IGFN1: variants seen among roughly 807,000 people sequenced by gnomAD.
IGFN1 encodes the protein immunoglobulin-like and fibronectin type III domain-containing protein 1.
Under a neutral mutation model 289.5 loss-of-function variants are expected in IGFN1, and 253 were observed. The observed-to-expected ratio is 0.87, with a 90% CI of 0.79 to 0.97. The LOEUF is 0.97. Ranked by LOEUF, IGFN1 falls within the 50% of genes least tolerant of loss-of-function variation. The pLI, the probability that IGFN1 is intolerant of heterozygous loss-of-function variation, is 0.00. For synonymous variants in IGFN1, 1,706 were observed against 1,788.5 expected (o/e 0.95, Z 1.16); for missense variants, 4,470 against 4,686.1 (o/e 0.95, Z 1.35).
Position 201,215,520 on chromosome 1 carries a change from T to G in IGFN1, c.8996-19T>G. ...GCCCAGTGCCCTGGTCTTCCTTGAC[T>G]CTCTTGTTTTATTTCTAGATTCCCC... On this transcript the variant is annotated intron_variant, in intron 14 of 23. Coordinates refer to ENST00000335211, the MANE Select transcript of IGFN1 (RefSeq NM_001164586.2). 1 of 1,535,634 alleles carries G rather than the reference T, an allele frequency of 6.5e-7. No individual in the cohort carries two copies. Among genetic ancestry groups the G allele is most frequent in the Non-Finnish European group, 8.8e-7 (1 of 1,140,058 alleles).
Position 201,226,946 on chromosome 1 carries a change from G to C in IGFN1, c.10851G>C (p.Leu3617=), listed in dbSNP as rs1654137946. 1 of 1,611,812 alleles carries C rather than the reference G, an allele frequency of 6.2e-7. No homozygotes were observed. The highest frequency in any genetic ancestry group is 8.5e-7 in the Non-Finnish European group (1 of 1,179,244). Residue 3617 remains leucine, a synonymous_variant, in exon 23 of 24, where the codon CTG becomes CTC. Coordinates refer to ENST00000335211, the MANE Select transcript of IGFN1 (RefSeq NM_001164586.2). ...ACCTGAGCCAGAAGCCCCGGTTCCT[G>C]GTGGGCCTGCGGTCCCACCTGCTGC... ...EPDLSQKPRF[L]VGLRSHLLPQ... is the part of the protein sequence containing the mutation.
In IGFN1 at chr1:201,215,805, T is replaced by C. The variant is rs1033223505; in HGVS notation, c.9262T>C (p.Ser3088Pro). ...YSVTLRSEGGSVQAELTLQVI... is the reference protein window; with the variant it reads ...YSVTLRSEGGPVQAELTLQVI... Reference sequence around the variant, plus strand: ...CGTGACACTGAGGAGTGAGGGAGGCTCTGTGCAGGCCGAGCTCACTCTGCA... The same window carrying C: ...CGTGACACTGAGGAGTGAGGGAGGCCCTGTGCAGGCCGAGCTCACTCTGCA... Residue 3088 changes from serine (S) to proline (P), a missense_variant, in exon 15 of 24, where the codon TCT becomes CCT. Transcript: ENST00000335211. 6.3e-7 allele frequency: 1 copy of C among 1,596,878 alleles called. No homozygotes were observed. The highest frequency in any genetic ancestry group is 8.5e-7 in the Non-Finnish European group (1 of 1,170,500).
Position 201,215,729 on chromosome 1 carries a change from C to T in IGFN1, c.9186C>T (p.Tyr3062=), listed in dbSNP as rs770080614. The T allele has an allele frequency of 1.9e-6, 3 of 1,612,106 alleles. No homozygotes were observed. Among genetic ancestry groups the T allele is most frequent in the Non-Finnish European group, 2.5e-6 (3 of 1,179,100 alleles). The change falls in exon 15 of 24, where the codon TAC becomes TAT. Residue 3062 remains tyrosine (Y), a synonymous_variant. Transcript: ENST00000335211. ...REAQVDLGDG[Y]TRLCLPSAGR... is the part of the protein sequence containing the mutation. ...CCCAGGTGGACCTGGGGGATGGCTACACGCGGCTGTGCCTCCCCAGCGCAG... is the reference window on the plus strand; with the variant it reads ...CCCAGGTGGACCTGGGGGATGGCTATACGCGGCTGTGCCTCCCCAGCGCAG...
In IGFN1 at chr1:201,226,941, T is replaced by A. The variant is rs895204384; in HGVS notation, c.10846T>A (p.Phe3616Ile). 6.2e-7 allele frequency: 1 copy of A among 1,611,342 alleles called. No homozygotes were observed. The highest frequency in any genetic ancestry group is 8.5e-7 in the Non-Finnish European group (1 of 1,178,914). ...GCCCGACCTGAGCCAGAAGCCCCGG[T>A]TCCTGGTGGGCCTGCGGTCCCACCT... ...REPDLSQKPR[F>I]LVGLRSHLLP... is the part of the protein sequence containing the mutation. Residue 3616 changes from phenylalanine (F) to isoleucine (I), a missense_variant, in exon 23 of 24, where the codon TTC becomes ATC. Phe to Ile is a conservative substitution (Grantham distance 21, BLOSUM62 0). This residue lies in a region of IGFN1 where 2,218 missense variants were observed against 2,114.1 expected (regional missense o/e 1.05). Transcript: ENST00000335211.
intron 9 of IGFN1, 45 bp from the exon 10 acceptor site, chr1:201,203,693 T>G (rs556794534): frequency 6.5e-7 from 1 of 1,537,938 alleles, no homozygotes; most frequent in African/African-American, 1.4e-5. Flanking sequence ...CAGGAAGCAC[T>G]GAGGACCCAC....
Position 201,209,206 on chromosome 1 carries a change from G to A in IGFN1, c.4313G>A (p.Ser1438Asn), listed in dbSNP as rs1342801961. The A allele has an allele frequency of 7.3e-6, 11 of 1,496,602 alleles. No individual in the cohort carries two copies. The highest frequency in any genetic ancestry group is 6.7e-5 in the South Asian group (5 of 74,926). The allele number at this position is 1,496,602 out of a possible 1,614,324, so 92.7% of individuals were successfully genotyped here. A position where few individuals can be genotyped will look rare whatever the true frequency, so the allele number is the denominator to read the frequency against. Residue 1438 changes from serine (S) to asparagine (N), a missense_variant, in exon 12 of 24, where the codon AGC becomes AAC. This residue lies in a region of IGFN1 where 2,011 missense variants were observed against 1,953.4 expected (regional missense o/e 1.03). Coordinates refer to ENST00000335211, the MANE Select transcript of IGFN1 (RefSeq NM_001164586.2). ...LGAPEGMGTG[S>N]KAGYRDGLRG... ...GCTCCTGAGGGAATGGGCACAGGGA[G>A]CAAGGCAGGTTATAGGGATGGCTTA...
chr1:201,209,005 G>C lies in IGFN1; in HGVS notation c.4112G>C (p.Gly1371Ala), dbSNP rs1558144571. Residue 1371 changes from glycine (G) to alanine (A), a missense_variant, in exon 12 of 24, where the codon GGG becomes GCG. Transcript: ENST00000335211. ...GGTTTAAAGGGTTCCAGGGAAATCG[G>C]GTCAATGGATGAAACAGATAATAGG... ...SGGLKGSREI[G>A]SMDETDNRKD... 6.5e-7 allele frequency: 1 copy of C among 1,536,738 alleles called. No homozygotes were observed. Among genetic ancestry groups the C allele is most frequent in the Non-Finnish European group, 8.7e-7 (1 of 1,146,786 alleles).
chr1:201,194,544 T>A (rs1666806792), intron 3 of IGFN1, among the ~76,000 whole-genome samples: 1 of 152,074 alleles, frequency 6.6e-6, no homozygotes, highest in Admixed American at 6.6e-5. Context: ...GATGGAAAAA[T>A]GCTAAACTGG....
intron 16 of IGFN1, 130 bp downstream of exon 16, chr1:201,216,883 A>G (rs1439597534): frequency 1.5e-6 from 1 of 688,980 alleles, no homozygotes; most frequent in Non-Finnish European, 2.4e-6. Context: ...CTTCTGTAGC[A>G]CTCTGGAGAC....
At position 201,206,092 on chromosome 1, in the gene IGFN1, A is replaced by T. The variant is rs940490398; in HGVS notation, c.1199A>T (p.Asp400Val). 2 of 1,547,620 alleles carry T rather than the reference A, an allele frequency of 1.3e-6. No homozygotes were observed. The highest frequency in any genetic ancestry group is 1.7e-6 in the Non-Finnish European group (2 of 1,144,226). The change falls in exon 12 of 24, where the codon GAT (aspartate) becomes GTT (valine). Residue 400 changes from aspartate to valine, a missense_variant. Physicochemically the swap from Asp to Val is radical, Grantham distance 152. Transcript: ENST00000335211. ...TAACCCCTCACTGAAGCTGGGAAGG[A>T]TAAAGACCTTCAGTCCACAAGTGCT... Reference protein sequence around the residue: ...SAWLVVEAGKDKDLQSTSADH... With the variant: ...SAWLVVEAGKVKDLQSTSADH...
At chr1:201,198,325 AG>A (rs1191648314) in intron 5 of IGFN1, among the ~76,000 whole-genome samples, 1 of 152,180 alleles carries the variant, frequency 6.6e-6, no homozygotes, top group African/African-American at 2.4e-5. Flanking sequence ...TAGTTGAGAC[AG>A]GGTTTCACCA....
rs1261237735 is a variant in IGFN1, at chr1:201,208,323, G to A, written c.3430G>A (p.Gly1144Ser). The A allele has an allele frequency of 2.0e-6, 3 of 1,504,378 alleles. No individual in the cohort carries two copies. Among genetic ancestry groups the A allele is most frequent in the Non-Finnish European group, 2.6e-6 (3 of 1,135,810 alleles). 93.2% of individuals were successfully genotyped at this position (1,504,378 alleles called of 1,614,324 possible). Residue 1144 changes from glycine to serine, a missense_variant, in exon 12 of 24, where the codon GGC (glycine) becomes AGC (serine). Physicochemically the swap from Gly to Ser is moderately conservative, Grantham distance 56 (BLOSUM62 0). Around this residue, in one of 8 missense-constraint regions of IGFN1, gnomAD observed 2,011 missense variants for 1,953.4 expected, o/e 1.03. Transcript: ENST00000335211. ...GAFGEGGYED[G>S]SGGPGAMGPG... Reference sequence around the variant, plus strand: ...CTTTGGAGAAGGAGGCTATGAAGATGGCTCTGGGGGTCCAGGAGCCATGGG... The same window carrying A: ...CTTTGGAGAAGGAGGCTATGAAGATAGCTCTGGGGGTCCAGGAGCCATGGG...
Position 201,225,936 on chromosome 1 carries a change from G to A in IGFN1, c.10599G>A (p.Ala3533=), listed in dbSNP as rs756901753. The change falls in exon 22 of 24, where the codon GCG becomes GCA. Residue 3533 remains alanine, a synonymous_variant. Coordinates refer to ENST00000335211, the MANE Select transcript of IGFN1 (RefSeq NM_001164586.2). ...DEAQDVPLHY[A]VFTRSSAHGP... ...CCCAGGATGTCCCGCTGCACTACGC[G>A]GTGTTCACACGCTCCTCAGCGCACG... The A allele has an allele frequency of 8.1e-6, 13 of 1,603,290 alleles. No homozygotes were observed. Among genetic ancestry groups the A allele is most frequent in the East Asian group, 4.5e-5 (2 of 44,834 alleles).
chr1:201,191,506 T>C (rs1328678621), intron 1 of IGFN1, among the ~76,000 whole-genome samples: 1 of 152,156 alleles, frequency 6.6e-6, no homozygotes, highest in African/African-American at 2.4e-5. Flanking sequence ...AAACTGCTGT[T>C]TCCTTCTGGG....
rs532823030 is a variant in IGFN1 at position 201,215,758 on chromosome 1, G to A, written c.9215G>A (p.Arg3072Lys). The A allele has an allele frequency of 3.1e-6, 5 of 1,608,350 alleles. No individual in the cohort carries two copies. ...YTRLCLPSAGRKDCGQYSVTL... is the reference protein window; with the variant it reads ...YTRLCLPSAGKKDCGQYSVTL... ...CGGCTGTGCCTCCCCAGCGCAGGCAGGAAGGACTGTGGCCAGTACAGCGTG... is the reference window on the plus strand; with the variant it reads ...CGGCTGTGCCTCCCCAGCGCAGGCAAGAAGGACTGTGGCCAGTACAGCGTG... Residue 3072 changes from arginine (R) to lysine (K), a missense_variant, in exon 15 of 24, where the codon AGG (arginine) becomes AAG (lysine). Transcript: ENST00000335211.
chr1:201,205,435 G>A (rs1299524918), intron 11 of IGFN1, 81 bp downstream of exon 11: 8 of 1,383,466 alleles, frequency 5.8e-6, no homozygotes, highest in African/African-American at 4.4e-5. Context: ...GCGAGGCAGT[G>A]GGATTTCCTT....
chr1:201,227,294 T>C (rs1654174805), intron 23 of IGFN1, 86 bp downstream of exon 23: 3 of 1,090,216 alleles, frequency 2.8e-6, no homozygotes, highest in Non-Finnish European at 3.9e-6. Context: ...GGGGGGTGCC[T>C]AGAGGGATTC....
Position 201,212,536 on chromosome 1 carries a change from G to A in IGFN1, c.7643G>A (p.Gly2548Glu), listed in dbSNP as rs1667869024. ...TWAGMAALGS[G>E]YERDIWKAGP... ...GCAGGAATGGCTGCTCTAGGGTCTG[G>A]ATATGAACGGGACATCTGGAAAGCA... The change falls in exon 12 of 24, where the codon GGA (glycine) becomes GAA (glutamate). Residue 2548 changes from glycine (G) to glutamate (E), a missense_variant. Around this residue, in one of 8 missense-constraint regions of IGFN1, gnomAD observed 2,218 missense variants for 2,114.1 expected, o/e 1.05. Coordinates refer to ENST00000335211, the MANE Select transcript of IGFN1 (RefSeq NM_001164586.2). The A allele has an allele frequency of 1.3e-6, 2 of 1,548,636 alleles. No homozygotes were observed. The highest frequency in any genetic ancestry group is 2.0e-5 in the Admixed American group (1 of 50,958).
In IGFN1 at chr1:201,200,255, G is replaced by C; in HGVS notation, c.477G>C (p.Lys159Asn). The change falls in exon 8 of 24, where the codon AAG becomes AAC. Residue 159 changes from lysine to asparagine, a missense_variant. Lys to Asn is a moderately conservative substitution (Grantham distance 94). Around this residue, in one of 8 missense-constraint regions of IGFN1, gnomAD observed 2,011 missense variants for 1,953.4 expected, o/e 1.03. Transcript: ENST00000335211. ...TCCCCAGGGCCCCACCAGCCCCCAA[G>C]AAAAAGATGGACCTTGAGCAGATAT... is the stretch of plus-strand genomic sequence containing the variant. ...LLKKRAPPAP[K>N]KKMDLEQIWQ... The C allele has an allele frequency of 6.4e-7, 1 of 1,551,726 alleles. No individual in the cohort carries two copies. Among genetic ancestry groups the C allele is most frequent in the East Asian group, 2.4e-5 (1 of 40,912 alleles).
Sources: allele counts gnomAD v4.1 joint callset (sites outside exome capture counted in the v4.1 genomes callset), GRCh38; gene constraint gnomAD v4.1.1; regional missense constraint gnomAD v4.1.1; transcripts MANE v1.5; gene names NCBI Gene and HGNC (gene_info 2026-07-23, HGNC 2026-07-21).